NTN4: variants seen among roughly 807,000 people sequenced by gnomAD.
NTN4 encodes the protein netrin 4.
A neutral mutation model predicts 73.6 loss-of-function variants in NTN4; 32 were observed. The observed-to-expected ratio is 0.44, with a 90% CI of 0.33 to 0.58. The LOEUF (loss-of-function observed/expected upper bound fraction) is 0.58. NTN4 is among the 20% of genes least tolerant of loss of function. The probability of loss-of-function intolerance (pLI) is 0.04; values close to 1 mark genes in which losing one functional copy is unlikely to be tolerated. For synonymous variants in NTN4, 258 were observed against 287.5 expected, an observed-to-expected ratio of 0.90 and a Z score of 1.04; for missense variants, 654 against 798.3, an observed-to-expected ratio of 0.82 and a Z score of 2.18.
intron 3 of NTN4, among the ~76,000 whole-genome samples, chr12:95,716,127 A>C (rs2078603351): frequency 6.6e-6 from 1 of 152,220 alleles, no homozygotes; most frequent in Non-Finnish European, 1.5e-5. Flanking sequence ...ATACATAAAA[A>C]CACATAAATA....
chr12:95,674,360 T>G (rs909711784), intron 7 of NTN4, among the ~76,000 whole-genome samples: 8 of 152,244 alleles, frequency 5.3e-5, no homozygotes, highest in Admixed American at 1.3e-4. Context: ...TATTGTTTGA[T>G]GACCTTTCTT....
chr12:95,700,781 CTTT>C (rs1029294387), intron 5 of NTN4, among the ~76,000 whole-genome samples: 4 of 150,086 alleles, frequency 2.7e-5, no homozygotes, highest in Non-Finnish European at 5.9e-5. Context: ...CTTTCTTTTT[CTTT>C]TCTTCCCTTT....
chr12:95,744,548 A>C (rs904450735), intron 2 of NTN4, among the ~76,000 whole-genome samples: 1 of 152,138 alleles, frequency 6.6e-6, no homozygotes, highest in African/African-American at 2.4e-5. Flanking sequence ...GAAACTAAGA[A>C]GAGTATACTC....
At chr12:95,659,663 A>G (rs558424590) in intron 9 of NTN4, among the ~76,000 whole-genome samples, 1 of 152,328 alleles carries the variant, frequency 6.6e-6, no homozygotes, top group South Asian at 2.1e-4. Flanking sequence ...GCTGCCATTT[A>G]GTAAGCATTT....
At chr12:95,736,772 G>A (rs144172780) in intron 3 of NTN4, among the ~76,000 whole-genome samples, 22 of 152,238 alleles carry the variant, frequency 1.4e-4, no homozygotes, top group Middle Eastern at 3.4e-3. Flanking sequence ...TTTCTATTTT[G>A]GTTACTTTCT....
At chr12:95,683,733 A>G (rs749992202) in intron 5 of NTN4, 22 bp from the exon 6 acceptor site, 1 of 1,561,778 alleles carries the variant, frequency 6.4e-7, no homozygotes, top group Middle Eastern at 1.7e-4. Flanking sequence ...AGGACACGCA[A>G]GGATCAAAGA....
intron 2 of NTN4, among the ~76,000 whole-genome samples, chr12:95,740,788 G>A (rs899176567): frequency 3.9e-5 from 6 of 152,094 alleles, no homozygotes; most frequent in Admixed American, 2.6e-4. Flanking sequence ...TACCTTGTGA[G>A]TATTCTTCCA....
intron 2 of NTN4, among the ~76,000 whole-genome samples, chr12:95,741,195 C>T (rs1439159000): frequency 1.3e-5 from 2 of 151,314 alleles, no homozygotes; most frequent in African/African-American, 2.4e-5. Context: ...GAATGACTTC[C>T]AAGACCCCCA....
At position 95,787,176 on chromosome 12, in the gene NTN4, C is replaced by G; in HGVS notation, c.348G>C (p.Lys116Asn). The G allele has an allele frequency of 6.2e-7, 1 of 1,614,212 alleles. No homozygotes were observed. Among genetic ancestry groups the G allele is most frequent in the Non-Finnish European group, 8.5e-7 (1 of 1,180,048 alleles). The change falls in exon 2 of 10, where the codon AAG becomes AAC. Residue 116 changes from lysine to asparagine, a missense_variant. Coordinates refer to ENST00000343702, the MANE Select transcript of NTN4 (RefSeq NM_021229.4). ...WQSAEDVHRE[K>N]IQLDLEAEFY... The stretch of plus-strand genomic sequence containing the variant: ...ATTCAGCTTCCAGGTCTAACTGGAT[C>G]TTTTCTCTGTGCACATCCTCCGCAG...
In NTN4 at chr12:95,787,270, G is replaced by C; in HGVS notation, c.254C>G (p.Pro85Arg). 1 of 1,614,220 alleles carries C rather than the reference G, an allele frequency of 6.2e-7. No homozygotes were observed. The highest frequency in any genetic ancestry group is 8.5e-7 in the Non-Finnish European group (1 of 1,180,032). ...PKCDKCNAAY[P>R]HLAHLPSAMA... ...GGCAGATGGCAGGTGAGCCAGGTGA[G>C]GATAGGCAGCATTGCACTTGTCACA... The change falls in exon 2 of 10, where the codon CCT becomes CGT. Residue 85 changes from proline to arginine, a missense_variant. Pro to Arg is a moderately radical substitution (Grantham distance 103). Coordinates refer to ENST00000343702, the MANE Select transcript of NTN4 (RefSeq NM_021229.4).
At chr12:95,672,118 T>G (rs954857765) in intron 7 of NTN4, among the ~76,000 whole-genome samples, 2 of 151,386 alleles carry the variant, frequency 1.3e-5, no homozygotes, top group Non-Finnish European at 2.9e-5. Context: ...CCCAGGAGTC[T>G]AAGACCAGGC....
Position 95,658,362 on chromosome 12 carries a change from A to T in NTN4, c.*724T>A, listed in dbSNP as rs1026352548. On this transcript the variant is annotated 3_prime_UTR_variant, in exon 10 of 10. Coordinates refer to ENST00000343702, the MANE Select transcript of NTN4 (RefSeq NM_021229.4). ...ATCTAGCCTCCAGCTCAAAGCTGAG[A>T]CTTCACGCATACATATTCTCCTTTC... The T allele has an allele frequency of 6.6e-6, 1 of 152,290 alleles. No homozygotes were observed. Among genetic ancestry groups the T allele is most frequent in the Admixed American group, 6.5e-5 (1 of 15,284 alleles). The allele number at this position is 152,290 out of a possible 1,614,324, so 9.4% of individuals were successfully genotyped here.
At chr12:95,737,622 G>T (rs78090820) in intron 3 of NTN4, among the ~76,000 whole-genome samples, 8,564 of 152,176 alleles carry the variant, frequency 0.056, 803 homozygotes, top group African/African-American at 0.19. Context: ...ATATCTGAAG[G>T]TCACAGTACT....
chr12:95,680,766 T>C (rs896324367), intron 7 of NTN4, among the ~76,000 whole-genome samples: 3 of 152,200 alleles, frequency 2.0e-5, no homozygotes, highest in Admixed American at 6.5e-5. Flanking sequence ...TCAGTGGCTA[T>C]TTACAGGTGC....
intron 2 of NTN4, among the ~76,000 whole-genome samples, chr12:95,751,414 C>T (rs1387076614): frequency 6.6e-5 from 10 of 151,800 alleles, no homozygotes; most frequent in Admixed American, 1.3e-4. Flanking sequence ...AGCGGCCAGG[C>T]GTTCCTCCAG....
At chr12:95,726,379 C>T (rs2078694211) in intron 3 of NTN4, among the ~76,000 whole-genome samples, 1 of 152,090 alleles carries the variant, frequency 6.6e-6, no homozygotes, top group Non-Finnish European at 1.5e-5. Flanking sequence ...AATATGTGGC[C>T]TTTTGTGTCT....
chr12:95,682,423 C>CTTTT (rs11433684), intron 7 of NTN4, among the ~76,000 whole-genome samples: 1 of 136,490 alleles, frequency 7.3e-6, no homozygotes. Flanking sequence ...TGGGTGACCT[C>CTTTT]TTTTTTTTTT....
chr12:95,787,415 G>A lies in NTN4; in HGVS notation c.109C>T (p.Arg37Trp), dbSNP rs748149271. ...CGCCCCAAAGCCAAATTTCCCATCC[G>A]AGGGTTGCAGGCTTTTTCACAGCGG... The part of the protein sequence containing the change: ...SSRCEKACNP[R>W]MGNLALGRKL... Residue 37 changes from arginine to tryptophan, a missense_variant, in exon 2 of 10, where the codon CGG (arginine) becomes TGG (tryptophan). Transcript: ENST00000343702. The A allele has an allele frequency of 7.4e-6, 12 of 1,614,164 alleles. No homozygotes were observed. The highest frequency in any genetic ancestry group is 4.4e-5 in the South Asian group (4 of 91,078).
intron 2 of NTN4, among the ~76,000 whole-genome samples, chr12:95,741,151 G>T (rs1307490846): frequency 6.6e-6 from 1 of 151,842 alleles, no homozygotes. Context: ...CTAAAATGTG[G>T]ATGTACAGAC....
Sources: allele counts gnomAD v4.1 joint callset (sites outside exome capture counted in the v4.1 genomes callset), GRCh38; gene constraint gnomAD v4.1.1; transcripts MANE v1.5; gene names NCBI Gene and HGNC (gene_info 2026-07-23, HGNC 2026-07-21).